VWA8: variants seen among roughly 807,000 people sequenced by gnomAD.
The protein encoded by VWA8 is von Willebrand factor A domain-containing protein 8.
Under a neutral mutation model 241.5 loss-of-function variants are expected in VWA8, and 221 were observed. That is an observed-to-expected ratio of 0.91 (90% CI 0.82 to 1.02). VWA8 has a LOEUF of 1.02. Among genes scored for constraint, VWA8 ranks in the 50% least tolerant of loss-of-function variants. The probability of loss-of-function intolerance (pLI) is 0.00; values close to 1 mark genes in which losing one functional copy is unlikely to be tolerated. For missense variants in VWA8, 2,322 were observed against 2,328.7 expected (o/e 1.00, Z 0.06); for synonymous variants, 852 against 827.1 (o/e 1.03, Z -0.52).
chr13:41,935,884 A>G (rs537651373), intron 2 of VWA8, among the ~76,000 whole-genome samples: 13 of 152,118 alleles, frequency 8.5e-5, no homozygotes, highest in Non-Finnish European at 1.5e-4. Context: ...TTCTTTTTTA[A>G]TAGCCACAGA....
intron 23 of VWA8, 27 bp downstream of exon 23, chr13:41,729,515 G>T: frequency 6.3e-7 from 1 of 1,595,888 alleles, no homozygotes; most frequent in African/African-American, 1.4e-5. Flanking sequence ...ATTTATTAAA[G>T]GAAACATTGC....
At chr13:41,737,665 G>A (rs1343407907) in intron 21 of VWA8, among the ~76,000 whole-genome samples, 1 of 152,126 alleles carries the variant, frequency 6.6e-6, no homozygotes, top group Non-Finnish European at 1.5e-5. Flanking sequence ...TAATAATAGT[G>A]TTGCCTATTT....
intron 2 of VWA8, among the ~76,000 whole-genome samples, chr13:41,931,533 T>C (rs1420052739): frequency 6.6e-6 from 1 of 151,998 alleles, no homozygotes; most frequent in African/African-American, 2.4e-5. Flanking sequence ...TACTGTGAAA[T>C]TGTATTGAAA....
At chr13:41,833,267 C>G (rs1871551775) in intron 13 of VWA8, 104 bp downstream of exon 13, 3 of 1,341,514 alleles carry the variant, frequency 2.2e-6, no homozygotes, top group Admixed American at 3.2e-5. Flanking sequence ...AGGATCTACA[C>G]AACCCAGTTT....
chr13:41,884,382 G>A lies in VWA8; in HGVS notation c.976-891C>T, dbSNP rs1330255339. 3.9e-5 allele frequency among the ~76,000 whole-genome samples: 6 copies of A among 152,218 alleles called. No homozygotes were observed. In the East Asian group the frequency reaches 9.7e-4, roughly 24 times the overall value. On this transcript the variant is annotated intron_variant, in intron 8 of 44. Transcript: ENST00000379310. The stretch of plus-strand genomic sequence containing the variant: ...TCTCTCCTGCCACCATGTGAAGGAC[G>A]TGTTTGCTTCCTCTTCCACCACGAT...
At chr13:41,930,116 T>C (rs1877035462) in intron 2 of VWA8, among the ~76,000 whole-genome samples, 3 of 152,184 alleles carry the variant, frequency 2.0e-5, no homozygotes, top group South Asian at 4.1e-4. Flanking sequence ...AACAGGTATA[T>C]GAAAAGGTGC....
intron 17 of VWA8, among the ~76,000 whole-genome samples, chr13:41,798,404 G>C (rs1400183309): frequency 2.0e-5 from 3 of 152,106 alleles, no homozygotes; most frequent in Non-Finnish European, 4.4e-5. Flanking sequence ...TCAGTCTTTA[G>C]CTGAAAATGT....
chr13:41,681,874 A>G (rs1185340266), intron 35 of VWA8, among the ~76,000 whole-genome samples: 1 of 152,122 alleles, frequency 6.6e-6, no homozygotes, highest in Non-Finnish European at 1.5e-5. Flanking sequence ...GTTGGGGGGA[A>G]GGGGTGCAGC....
At position 41,653,729 on chromosome 13, in the gene VWA8, C is replaced by A. The variant is rs564194071; in HGVS notation, c.4611+17217G>T. Among the ~76,000 whole-genome samples, 26 of 152,210 alleles carry A rather than the reference C, an allele frequency of 1.7e-4. No individual in the cohort carries two copies. The East Asian group carries it at 3.5e-3, about 20-fold the overall frequency. On this transcript the variant is annotated intron_variant, in intron 37 of 44. Coordinates refer to ENST00000379310, the MANE Select transcript of VWA8 (RefSeq NM_015058.2). ...AAAACAGACACATAGACCAATGGAA[C>A]AGAATAGAGAACCCAGAAACAAAGT...
At chr13:41,620,803 C>T (rs968248309) in intron 37 of VWA8, among the ~76,000 whole-genome samples, 3 of 152,124 alleles carry the variant, frequency 2.0e-5, no homozygotes, top group Non-Finnish European at 2.9e-5. Context: ...AGTCAAATGA[C>T]ACTTAGAGTT....
chr13:41,950,102 G>T, intron 1 of VWA8, 89 bp from the exon 2 acceptor site: 1 of 732,280 alleles, frequency 1.4e-6, no homozygotes, highest in Non-Finnish European at 2.2e-6. Flanking sequence ...GACCTACAGA[G>T]AGGGATGTTA....
intron 21 of VWA8, among the ~76,000 whole-genome samples, chr13:41,736,315 T>C (rs1425844173): frequency 6.6e-6 from 1 of 152,230 alleles, no homozygotes; most frequent in African/African-American, 2.4e-5. Flanking sequence ...TACTAAACTC[T>C]ATTCTTAACT....
chr13:41,869,109 G>A (rs1873462286), intron 9 of VWA8, among the ~76,000 whole-genome samples: 1 of 152,048 alleles, frequency 6.6e-6, no homozygotes, highest in South Asian at 2.1e-4. Context: ...TTCCTAGAAG[G>A]AGATGATGAG....
At chr13:41,695,410 G>A (rs541995176) in intron 29 of VWA8, among the ~76,000 whole-genome samples, 12 of 152,254 alleles carry the variant, frequency 7.9e-5, no homozygotes, top group Admixed American at 1.3e-4. Flanking sequence ...AGGAATAGCC[G>A]AATTCATGGA....
At chr13:41,632,091 T>C (rs1321313362) in intron 37 of VWA8, among the ~76,000 whole-genome samples, 1 of 152,156 alleles carries the variant, frequency 6.6e-6, no homozygotes, top group Non-Finnish European at 1.5e-5. Context: ...AGGAAGAAGT[T>C]AGCAAAGCAT....
chr13:41,662,423 T>C (rs2044956308), intron 37 of VWA8, among the ~76,000 whole-genome samples: 1 of 152,070 alleles, frequency 6.6e-6, no homozygotes, highest in Non-Finnish European at 1.5e-5. Context: ...GTAGATGTAT[T>C]TTTAAATTTT....
rs869081141 is a variant in VWA8 at position 41,901,889 on chromosome 13, AAT to A, written c.483+5695_483+5696del. Among the ~76,000 whole-genome samples, 147 of 83,338 alleles carry A rather than the reference AAT, an allele frequency of 1.8e-3. 1 individual carries two copies. Among genetic ancestry groups the A allele is most frequent in the African/African-American group, 6.0e-3 (120 of 19,906 alleles). 54.7% of individuals were successfully genotyped at this position (83,338 alleles called of 152,430 possible). A position where few individuals can be genotyped will look rare whatever the true frequency, so the allele number is the denominator to read the frequency against. On this transcript the variant is annotated intron_variant, in intron 4 of 44. Transcript: ENST00000379310. ...TCAAAAAAAAAAAAAAAAAAAAAAA[AAT>A]ATATATATATATATATATATATACA...
At chr13:41,900,326 T>C (rs917024282) in intron 4 of VWA8, among the ~76,000 whole-genome samples, 1 of 152,188 alleles carries the variant, frequency 6.6e-6, no homozygotes. Flanking sequence ...GTTGTAATCA[T>C]TCCTCAAAGT....
intron 9 of VWA8, among the ~76,000 whole-genome samples, chr13:41,877,303 T>C (rs1366720197): frequency 1.3e-5 from 2 of 152,074 alleles, no homozygotes; most frequent in Non-Finnish European, 2.9e-5. Context: ...TCATCCTTCT[T>C]CTGAAACATT....
Sources: allele counts gnomAD v4.1 joint callset (sites outside exome capture counted in the v4.1 genomes callset), GRCh38; gene constraint gnomAD v4.1.1; transcripts MANE v1.5; gene names NCBI Gene and HGNC (gene_info 2026-07-23, HGNC 2026-07-21).